LRRC7: variants seen among roughly 807,000 people sequenced by gnomAD.
The protein encoded by LRRC7 is leucine rich repeat containing 7.
Under a neutral mutation model 175.7 loss-of-function variants are expected in LRRC7, and 23 were observed. That is an observed-to-expected ratio of 0.13 (90% CI 0.09 to 0.19). The LOEUF is 0.19. Ranked by LOEUF, LRRC7 falls within the 10% of genes least tolerant of loss-of-function variation. The probability of loss-of-function intolerance (pLI) is 1.00; values close to 1 mark genes in which losing one functional copy is unlikely to be tolerated. For synonymous variants in LRRC7, 685 were observed against 680.9 expected (o/e 1.01, Z -0.09); for missense variants, 1,354 against 1,904.7 (o/e 0.71, Z 5.38).
intron 23 of LRRC7, among the ~76,000 whole-genome samples, chr1:70,073,655 G>A (rs1662556019): frequency 6.6e-6 from 1 of 152,090 alleles, no homozygotes; most frequent in African/African-American, 2.4e-5. Flanking sequence ...TTGTCTGGGT[G>A]GAAAAATGCT....
rs1324540691 is a variant in LRRC7 at position 69,713,305 on chromosome 1, G to A, written c.100+34827G>A. Among the ~76,000 whole-genome samples, 18 of 150,088 alleles carry A rather than the reference G, an allele frequency of 1.2e-4. No homozygotes were observed. The Admixed American group carries it at 1.2e-3, about 10-fold the overall frequency. ...GTTCCAGATCAGCCCAGGAAGCATA[G>A]TGAGACTTGGTCTCTCAAAAAAAAA... is the stretch of plus-strand genomic sequence containing the variant. On this transcript the variant is annotated intron_variant, in intron 2 of 26. Transcript: ENST00000651989.
chr1:70,072,411 A>G (rs576047815), intron 23 of LRRC7, among the ~76,000 whole-genome samples: 8 of 152,326 alleles, frequency 5.3e-5, no homozygotes, highest in East Asian at 3.9e-4. Flanking sequence ...GTGTCAGTCA[A>G]AAACAACTTC....
At chr1:69,706,874 A>C (rs1460933198) in intron 2 of LRRC7, among the ~76,000 whole-genome samples, 1 of 152,192 alleles carries the variant, frequency 6.6e-6, no homozygotes, top group Non-Finnish European at 1.5e-5. Flanking sequence ...TTGATTCAAC[A>C]AATCTCAAGT....
intron 1 of LRRC7, among the ~76,000 whole-genome samples, chr1:69,616,232 G>A (rs1649594662): frequency 6.6e-6 from 1 of 151,880 alleles, no homozygotes; most frequent in Admixed American, 6.6e-5. Flanking sequence ...TTAAACGTCT[G>A]GGAAGTTAAT....
At position 70,038,488 on chromosome 1, in the gene LRRC7, T is replaced by C. The variant is rs1659545924; in HGVS notation, c.2664T>C (p.Ser888=). ...NPWQNWTRTP[S]PFEDRTAFPS... ...GGCAGAATTGGACCAGAACCCCTAG[T>C]CCGTTTGAAGACAGGACCGCTTTTC... Residue 888 remains serine, a synonymous_variant, in exon 21 of 27, where the codon AGT becomes AGC. Transcript: ENST00000651989. The C allele has an allele frequency of 1.9e-6, 3 of 1,614,018 alleles. No homozygotes were observed. The highest frequency in any genetic ancestry group is 2.2e-5 in the East Asian group (1 of 44,846).
chr1:69,569,762 A>T lies in LRRC7; in HGVS notation c.2+1121A>T, dbSNP rs553444354. ...CTGGCTGTCTCTTCCCCATCAAGTC[A>T]TAAAGCGAGCGGGTTGGGCGAGAGG... On this transcript the variant is annotated intron_variant, in intron 1 of 26. Transcript: ENST00000651989. 2.6e-5 allele frequency among the ~76,000 whole-genome samples: 4 copies of T among 152,086 alleles called. No homozygotes were observed. The East Asian group carries it at 7.8e-4, about 30-fold the overall frequency.
At chr1:69,742,937 G>A (rs1668866852) in intron 2 of LRRC7, among the ~76,000 whole-genome samples, 1 of 151,986 alleles carries the variant, frequency 6.6e-6, no homozygotes, top group African/African-American at 2.4e-5. Context: ...GTTAAAGGAA[G>A]CAGAGTTGTT....
chr1:69,846,975 C>T (rs1261085132), intron 7 of LRRC7, among the ~76,000 whole-genome samples: 1 of 151,938 alleles, frequency 6.6e-6, no homozygotes, highest in African/African-American at 2.4e-5. Context: ...ACCAGCAGTA[C>T]TCTAGTGAAA....
intron 23 of LRRC7, among the ~76,000 whole-genome samples, chr1:70,064,639 TTTG>T (rs60880306): frequency 0.026 from 3,975 of 151,072 alleles, 189 homozygotes; most frequent in African/African-American, 0.091. Context: ...TGCTTGGTAT[TTTG>T]TTGTTGTTGT....
chr1:70,071,476 C>A (rs540967591), intron 23 of LRRC7, among the ~76,000 whole-genome samples: 47 of 151,922 alleles, frequency 3.1e-4, no homozygotes, highest in African/African-American at 1.0e-3. Context: ...TAACAACTAA[C>A]CTGCATTAAA....
chr1:69,829,538 A>G (rs1680299978), intron 5 of LRRC7, among the ~76,000 whole-genome samples: 1 of 151,836 alleles, frequency 6.6e-6, no homozygotes, highest in Admixed American at 6.6e-5. Context: ...AACCCTACTG[A>G]TCTATCAAAC....
intron 7 of LRRC7, among the ~76,000 whole-genome samples, chr1:69,895,513 A>G (rs1645955108): frequency 1.3e-5 from 2 of 152,230 alleles, no homozygotes; most frequent in South Asian, 2.1e-4. Flanking sequence ...GTTTTGAAAT[A>G]TATACATACC....
At chr1:69,600,395 T>A (rs1749514) in intron 1 of LRRC7, among the ~76,000 whole-genome samples, 23,003 of 152,084 alleles carry the variant, frequency 0.15, 1,924 homozygotes, top group Admixed American at 0.19. Context: ...TCAATGTTGC[T>A]TATTTGTAAT....
chr1:70,015,714 C>T (rs184676104), intron 13 of LRRC7, among the ~76,000 whole-genome samples: 1 of 152,180 alleles, frequency 6.6e-6, no homozygotes, highest in East Asian at 1.9e-4. Flanking sequence ...GATTGAATAC[C>T]AAGGCTAATA....
In LRRC7 at chr1:69,568,287, C is replaced by G. The variant is rs1452006995; in HGVS notation, c.-353C>G. On this transcript the variant is annotated 5_prime_UTR_variant, in exon 1 of 27. Transcript: ENST00000651989. The stretch of plus-strand genomic sequence containing the variant: ...GGAGCTGCGCCTCCGCCACCGCCGC[C>G]GCCGCCGCCGCTGCTGCTGCGGTCG... The G allele has an allele frequency of 4.8e-6, 1 of 206,404 alleles. No individual in the cohort carries two copies. The highest frequency in any genetic ancestry group is 9.3e-6 in the Non-Finnish European group (1 of 107,026). 12.8% of individuals were successfully genotyped at this position (206,404 alleles called of 1,614,324 possible).
chr1:69,703,595 C>T (rs114093365), intron 2 of LRRC7, among the ~76,000 whole-genome samples: 3,106 of 151,946 alleles, frequency 0.02, 86 homozygotes, highest in African/African-American at 0.071. Flanking sequence ...TATTACATAT[C>T]TATATATCTA....
chr1:69,900,617 T>A (rs1394348843), intron 7 of LRRC7, among the ~76,000 whole-genome samples: 1 of 152,098 alleles, frequency 6.6e-6, no homozygotes, highest in Non-Finnish European at 1.5e-5. Flanking sequence ...CCTCAACAAT[T>A]CTACCTTAAA....
At chr1:69,980,602 ATTT>A in intron 9 of LRRC7, 149 bp downstream of exon 9, 1 of 490,404 alleles carries the variant, frequency 2.0e-6, no homozygotes, top group Non-Finnish European at 3.5e-6. Context: ...TGTTTTCACC[ATTT>A]TTTTTTTTAG....
chr1:70,104,543 T>A (rs628249), intron 25 of LRRC7, among the ~76,000 whole-genome samples: 116,746 of 151,990 alleles, frequency 0.77, 45,130 homozygotes, highest in African/African-American at 0.86. Context: ...TAGGATATAC[T>A]TGGAAAAAAG....
Sources: allele counts gnomAD v4.1 joint callset (sites outside exome capture counted in the v4.1 genomes callset), GRCh38; gene constraint gnomAD v4.1.1; transcripts MANE v1.5; gene names NCBI Gene and HGNC (gene_info 2026-07-23, HGNC 2026-07-21).